The following RALYL variants were observed in gnomAD, a reference collection of about 807,000 sequenced individuals.
The protein encoded by RALYL is RNA-binding Raly-like protein.
Under a neutral mutation model 35.1 loss-of-function variants are expected in RALYL, and 29 were observed. The ratio of observed to expected loss-of-function variants is 0.83; its 90% CI spans 0.61 to 1.13. The LOEUF is 1.13. Among genes scored for constraint, RALYL ranks in the 50% most tolerant of loss-of-function variants. The probability of loss-of-function intolerance (pLI) is 0.00; values close to 1 mark genes in which losing one functional copy is unlikely to be tolerated. For synonymous variants in RALYL, 120 were observed against 127.6 expected (o/e 0.94, Z 0.40); for missense variants, 359 against 360.4 (o/e 1.00, Z 0.03).
At chr8:84,831,255 G>C (rs1830859664) in intron 4 of RALYL, among the ~76,000 whole-genome samples, 1 of 152,090 alleles carries the variant, frequency 6.6e-6, no homozygotes, top group South Asian at 2.1e-4. Context: ...TTTAAAAAGA[G>C]ACTAACTTTA....
chr8:84,571,804 T>C (rs1446243579), intron 2 of RALYL, among the ~76,000 whole-genome samples: 3 of 151,824 alleles, frequency 2.0e-5, no homozygotes, highest in African/African-American at 7.2e-5. Context: ...TTTTTGTTTA[T>C]AGTTTGTCTA....
intron 1 of RALYL, among the ~76,000 whole-genome samples, chr8:84,320,507 A>G (rs1338678719): frequency 1.3e-5 from 2 of 152,054 alleles, no homozygotes; most frequent in Non-Finnish European, 2.9e-5. Context: ...TGTACTCTAT[A>G]GTTATAGATT....
intron 1 of RALYL, among the ~76,000 whole-genome samples, chr8:84,223,893 A>C (rs1335569496): frequency 2.6e-5 from 4 of 152,200 alleles, no homozygotes; most frequent in African/African-American, 9.7e-5. Flanking sequence ...CCAATATGTC[A>C]ATAGAAGTTG....
chr8:84,219,072 A>C (rs1586273965), intron 1 of RALYL, among the ~76,000 whole-genome samples: 1 of 152,108 alleles, frequency 6.6e-6, no homozygotes, highest in Non-Finnish European at 1.5e-5. Context: ...GTTACAGTGA[A>C]CTAAAATAAA....
chr8:84,887,484 C>A, intron 7 of RALYL, 120 bp from the exon 8 acceptor site: 1 of 724,366 alleles, frequency 1.4e-6, no homozygotes, highest in Non-Finnish European at 2.1e-6. Flanking sequence ...ATTACCTTAC[C>A]TTCTGTACAC....
intron 1 of RALYL, among the ~76,000 whole-genome samples, chr8:84,416,588 T>C (rs1415804894): frequency 2.0e-5 from 3 of 152,066 alleles, no homozygotes; most frequent in Non-Finnish European, 2.9e-5. Flanking sequence ...CATGTGTAAA[T>C]GTGGGATTAC....
chr8:84,330,766 CTG>C (rs1401170980), intron 1 of RALYL, among the ~76,000 whole-genome samples: 2 of 152,040 alleles, frequency 1.3e-5, no homozygotes, highest in African/African-American at 4.8e-5. Context: ...CTTTTTCAAA[CTG>C]TGGGTTTTGA....
At chr8:84,366,672 G>A (rs2131348189) in intron 1 of RALYL, among the ~76,000 whole-genome samples, 1 of 148,742 alleles carries the variant, frequency 6.7e-6, no homozygotes, top group African/African-American at 2.5e-5. Context: ...CTACTTGGGA[G>A]GCTGAGGCAA....
At chr8:84,322,496 A>G (rs1845054695) in intron 1 of RALYL, among the ~76,000 whole-genome samples, 3 of 152,080 alleles carry the variant, frequency 2.0e-5, no homozygotes, top group Non-Finnish European at 2.9e-5. Flanking sequence ...TTCCACTTTC[A>G]TCTGGGCTTT....
At chr8:84,670,447 A>T (rs1832986328) in intron 2 of RALYL, among the ~76,000 whole-genome samples, 1 of 152,354 alleles carries the variant, frequency 6.6e-6, no homozygotes, top group East Asian at 1.9e-4. Flanking sequence ...TATGTAAAAA[A>T]TTTCACAATG....
intron 1 of RALYL, among the ~76,000 whole-genome samples, chr8:84,230,245 G>A (rs1824994686): frequency 1.3e-5 from 2 of 151,988 alleles, no homozygotes; most frequent in African/African-American, 4.8e-5. Flanking sequence ...ATATAATTAA[G>A]GAAATGTGTA....
rs75456134 is a variant in RALYL at position 84,628,890 on chromosome 8, G to C, written c.256+99313G>C. ...AATGGTGAAAGATCTTATTTCAGAT[G>C]GTCTGTCCAGTAAAAAAAAATGTGG... is the stretch of plus-strand genomic sequence containing the variant. On this transcript the variant is annotated intron_variant, in intron 2 of 8. Coordinates refer to ENST00000521268, the MANE Select transcript of RALYL (RefSeq NM_173848.7). Among the ~76,000 whole-genome samples, 15 of 152,000 alleles carry C rather than the reference G, an allele frequency of 9.9e-5. No individual in the cohort carries two copies. The East Asian group carries it at 2.9e-3, about 30-fold the overall frequency.
At chr8:84,205,316 C>G (rs1455256197) in intron 1 of RALYL, among the ~76,000 whole-genome samples, 1 of 152,128 alleles carries the variant, frequency 6.6e-6, no homozygotes, top group East Asian at 1.9e-4. Context: ...TAGCTGTTGT[C>G]TTTAGTTTTT....
intron 1 of RALYL, among the ~76,000 whole-genome samples, chr8:84,299,540 T>C (rs1199833700): frequency 6.6e-6 from 1 of 152,050 alleles, no homozygotes; most frequent in Non-Finnish European, 1.5e-5. Context: ...TCAGTAGGAA[T>C]GGTACCAGTT....
intron 1 of RALYL, among the ~76,000 whole-genome samples, chr8:84,186,966 A>G (rs890647979): frequency 6.6e-6 from 1 of 152,148 alleles, no homozygotes; most frequent in African/African-American, 2.4e-5. Flanking sequence ...GTATTTTTTC[A>G]TTCGCCAAGC....
At chr8:84,773,162 A>C (rs1320553511) in intron 2 of RALYL, among the ~76,000 whole-genome samples, 1 of 152,194 alleles carries the variant, frequency 6.6e-6, no homozygotes, top group Non-Finnish European at 1.5e-5. Context: ...AGCAACAAGT[A>C]TCTTTAAGGA....
At position 84,756,949 on chromosome 8, in the gene RALYL, G is replaced by A. The variant is rs370200991; in HGVS notation, c.257-17630G>A. 6.6e-5 allele frequency among the ~76,000 whole-genome samples: 10 copies of A among 151,996 alleles called. No individual in the cohort carries two copies. In the East Asian group the frequency reaches 1.2e-3, roughly 18 times the overall value. On this transcript the variant is annotated intron_variant, in intron 2 of 8. Coordinates refer to ENST00000521268, the MANE Select transcript of RALYL (RefSeq NM_173848.7). The stretch of plus-strand genomic sequence containing the variant: ...CAATTTCTTACTTGATTTAGAGACC[G>A]TGAATGTGAACACACCATTTTTATT...
chr8:84,534,714 G>GGA (rs1201989423), intron 2 of RALYL, among the ~76,000 whole-genome samples: 1 of 152,012 alleles, frequency 6.6e-6, no homozygotes, highest in Non-Finnish European at 1.5e-5. Context: ...AAGAGAACAG[G>GGA]GAGAAGAAGG....
At chr8:84,294,749 G>A (rs2002561091) in intron 1 of RALYL, among the ~76,000 whole-genome samples, 1 of 151,860 alleles carries the variant, frequency 6.6e-6, no homozygotes, top group Non-Finnish European at 1.5e-5. Flanking sequence ...AGACAGAGAA[G>A]TGGGTTAACT....
Sources: allele counts gnomAD v4.1 joint callset (sites outside exome capture counted in the v4.1 genomes callset), GRCh38; gene constraint gnomAD v4.1.1; transcripts MANE v1.5; gene names NCBI Gene and HGNC (gene_info 2026-07-23, HGNC 2026-07-21).